CCDC197: variants seen among roughly 807,000 people sequenced by gnomAD.
CCDC197 encodes uncharacterized protein CCDC197.
CCDC197 carries 24 observed loss-of-function variants against 13.4 expected under a neutral mutation model. The ratio of observed to expected loss-of-function variants is 1.80; its 90% CI spans 1.30 to 2.53. CCDC197 has a LOEUF of 2.53. Ranked by LOEUF, CCDC197 falls within the 30% of genes most tolerant of loss-of-function variation. The pLI is 0.00. For synonymous variants in CCDC197, 99 were observed against 55.5 expected, an observed-to-expected ratio of 1.78 and a Z score of -3.48; for missense variants, 255 against 148.8, an observed-to-expected ratio of 1.71 and a Z score of -3.71.
At chr14:93,990,252 A>AG in intron 1 of CCDC197, among the ~76,000 whole-genome samples, 1 of 152,198 alleles carries the variant, frequency 6.6e-6, no homozygotes, top group South Asian at 2.1e-4. Context: ...CCAGGGACTA[A>AG]GGGGAATCCT....
At chr14:93,998,469 C>T (rs377118498) in intron 2 of CCDC197, among the ~76,000 whole-genome samples, 3 of 152,330 alleles carry the variant, frequency 2.0e-5, no homozygotes, top group African/African-American at 7.2e-5. Context: ...CCCGGGCCCT[C>T]TGCAGGCTGA....
chr14:94,003,071 T>C lies in CCDC197; in HGVS notation c.367-152T>C, dbSNP rs915770915. The C allele has an allele frequency of 8.9e-6, 5 of 562,496 alleles. No individual in the cohort carries two copies. The highest frequency in any genetic ancestry group is 1.6e-5 in the Non-Finnish European group (5 of 316,182). The allele number at this position is 562,496 out of a possible 1,614,324, so 34.8% of individuals were successfully genotyped here. On this transcript the variant is annotated intron_variant, in intron 4 of 6. Coordinates refer to ENST00000636493, the MANE Select transcript of CCDC197 (RefSeq NM_001351596.2). The surrounding 1 kb of genome is among the most constrained non-coding windows in gnomAD (Gnocchi z 5.0). ...ACTCCATCAGCCTGGACACGCCCTT[T>C]TCTGCATCTCTGGTGCCTTGAATGG...
chr14:93,995,204 A>T (rs570790200), upstream of CCDC197, among the ~76,000 whole-genome samples: 1 of 152,240 alleles, frequency 6.6e-6, no homozygotes, highest in Admixed American at 6.5e-5. Context: ...GTGGGCAGAG[A>T]TGATGATGAA....
At chr14:94,007,406 G>A (rs1890712326) in intron 6 of CCDC197, 1 of 152,140 alleles carries the variant, frequency 6.6e-6, no homozygotes, top group South Asian at 2.1e-4. Flanking sequence ...GTTTTCTCAG[G>A]ACCCTTGTCA....
At chr14:94,002,863 A>AAAAC (rs1890565785) in intron 4 of CCDC197, among the ~76,000 whole-genome samples, 1 of 151,134 alleles carries the variant, frequency 6.6e-6, no homozygotes, top group African/African-American at 2.5e-5. Flanking sequence ...AAAAAAAAAA[A>AAAAC]AAAACAAAAT....
rs561723193 is a variant in CCDC197 at position 93,991,388 on chromosome 14, G to A, written c.-107+3992G>A. Among the ~76,000 whole-genome samples the A allele has an allele frequency of 7.9e-5, 12 of 152,312 alleles. No individual in the cohort carries two copies. In the South Asian group the frequency reaches 2.5e-3, roughly 32 times the overall value. ...CTCACAGCTCCATCACATAGGCAAT[G>A]TTGTTGTCCCCCACTTACAGACGAG... On this transcript the variant is annotated intron_variant, in intron 1 of 7. Transcript: ENST00000640978.
At chr14:93,988,448 AG>A (rs1890142893) in intron 1 of CCDC197, among the ~76,000 whole-genome samples, 1 of 53,460 alleles carries the variant, frequency 1.9e-5, no homozygotes, top group Non-Finnish European at 3.5e-5. Flanking sequence ...GGATGGGAGG[AG>A]GAGATGGGAG....
At chr14:94,001,377 G>A (rs1009607245) in intron 4 of CCDC197, 54 bp downstream of exon 4, 5 of 680,320 alleles carry the variant, frequency 7.3e-6, no homozygotes, top group African/African-American at 7.2e-5. Flanking sequence ...AGCTGGGGGC[G>A]TGGGGCCCCC....
chr14:93,991,406 C>T (rs1890208686), intron 1 of CCDC197, among the ~76,000 whole-genome samples: 1 of 152,196 alleles, frequency 6.6e-6, no homozygotes, highest in African/African-American at 2.4e-5. Context: ...CCCCCACTTA[C>T]AGACGAGGAC....
intron 3 of CCDC197, 25 bp downstream of exon 3, chr14:93,999,690 G>A (rs1177448128): frequency 2.6e-6 from 2 of 780,456 alleles, no homozygotes; most frequent in Middle Eastern, 2.3e-4. Flanking sequence ...TCCTCGGAAA[G>A]CCCTTTCTCT....
At position 94,004,921 on chromosome 14, in the gene CCDC197, CA is replaced by C; in HGVS notation, c.566del (p.His189ProfsTer15). On this transcript the variant is annotated frameshift_variant, in exon 6 of 7. Coordinates refer to ENST00000636493, the MANE Select transcript of CCDC197 (RefSeq NM_001351596.2). LOFTEE classifies it low-confidence loss of function (END_TRUNC). ...NMARQCCPSAHGVPKSMDLFS... is the reference protein window; with the variant it reads ...NMARQCCPSAXGVPKSMDLFS... ...GGCCCGGCAGTGCTGCCCCTCTGCC[CA>C]CGGCGTGCCCAAGAGCATGGATCTC... is the stretch of plus-strand genomic sequence containing the variant. The C allele has an allele frequency of 2.8e-6, 2 of 702,952 alleles. No homozygotes were observed. Among genetic ancestry groups the C allele is most frequent in the East Asian group, 5.4e-5 (2 of 37,278 alleles). The allele number at this position is 702,952 out of a possible 1,614,324, so 43.5% of individuals were successfully genotyped here. A position where few individuals can be genotyped will look rare whatever the true frequency, so the allele number is the denominator to read the frequency against.
Position 93,998,149 on chromosome 14 carries a change from A to C in CCDC197, c.18A>C (p.Thr6=). ...GTGAGGTGATGGCAGCCATGGACAC[A>C]GGCCAGAGAGCTGACCCAAGCAATC... MAAMD[T]GQRADPSNPG... The change falls in exon 2 of 7, where the codon ACA becomes ACC. Residue 6 remains threonine, a synonymous_variant. Coordinates refer to ENST00000636493, the MANE Select transcript of CCDC197 (RefSeq NM_001351596.2). 1 of 780,752 alleles carries C rather than the reference A, an allele frequency of 1.3e-6. No individual in the cohort carries two copies. Among genetic ancestry groups the C allele is most frequent in the South Asian group, 1.3e-5 (1 of 74,622 alleles). The allele number at this position is 780,752 out of a possible 1,614,324, so 48.4% of individuals were successfully genotyped here. A position where few individuals can be genotyped will look rare whatever the true frequency, so the allele number is the denominator to read the frequency against.
chr14:94,006,001 T>A (rs1015032493), intron 6 of CCDC197, among the ~76,000 whole-genome samples: 3 of 152,210 alleles, frequency 2.0e-5, no homozygotes, highest in Non-Finnish European at 4.4e-5. Context: ...TGTTTTCACT[T>A]CTCTTTGGTA....
intron 1 of CCDC197, among the ~76,000 whole-genome samples, chr14:93,989,056 A>G (rs1193442952): frequency 6.6e-6 from 1 of 151,936 alleles, no homozygotes; most frequent in Non-Finnish European, 1.5e-5. Context: ...TGTAAACTGC[A>G]ATGTTTGGGG....
downstream of CCDC197, among the ~76,000 whole-genome samples, chr14:94,010,775 C>T (rs74384507): frequency 0.078 from 11,928 of 152,222 alleles, 622 homozygotes; most frequent in Middle Eastern, 0.14. Context: ...CCATCAAGGG[C>T]GGTGCAAGGG....
At chr14:93,993,176 G>A (rs200124113), upstream of CCDC197, among the ~76,000 whole-genome samples, 2 of 152,292 alleles carry the variant, frequency 1.3e-5, no homozygotes, top group African/African-American at 4.8e-5. Context: ...TCCTCTGGAG[G>A]GGGAGAGAAG....
At chr14:93,990,829 T>G (rs1018425575) in intron 1 of CCDC197, among the ~76,000 whole-genome samples, 8 of 152,204 alleles carry the variant, frequency 5.3e-5, no homozygotes, top group African/African-American at 1.9e-4. Context: ...AATAGTGATG[T>G]CTTTTGAGCA....
At chr14:94,004,476 C>T (rs1890624311) in intron 5 of CCDC197, among the ~76,000 whole-genome samples, 1 of 152,156 alleles carries the variant, frequency 6.6e-6, no homozygotes, top group South Asian at 2.1e-4. Flanking sequence ...TCACAGTCTA[C>T]AGAGCCCCTT....
At chr14:93,994,931 C>T (rs1265726640), upstream of CCDC197, among the ~76,000 whole-genome samples, 2 of 152,202 alleles carry the variant, frequency 1.3e-5, no homozygotes, top group African/African-American at 4.8e-5. Flanking sequence ...AACCACTCAA[C>T]CTCCCAGATG....
Sources: gnomAD v4.1 joint callset for allele counts (sites outside exome capture counted in the v4.1 genomes callset) on GRCh38, gnomAD v4.1.1 for gene constraint, Gnocchi (gnomAD v3.1) non-coding constraint, MANE v1.5 for transcripts, NCBI Gene and HGNC (gene_info 2026-07-23, HGNC 2026-07-21) for gene names.